RFWD3: variants seen among roughly 807,000 people sequenced by gnomAD.
RFWD3 encodes E3 ubiquitin-protein ligase RFWD3.
Under a neutral mutation model 87.7 loss-of-function variants are expected in RFWD3, and 65 were observed. The ratio of observed to expected loss-of-function variants is 0.74; its 90% CI spans 0.61 to 0.91. The LOEUF is 0.91. RFWD3 is among the 40% of genes least tolerant of loss of function. The pLI, the probability that RFWD3 is intolerant of heterozygous loss-of-function variation, is 0.00. For synonymous variants in RFWD3, 433 were observed against 352.8 expected (o/e 1.23, Z -2.55); for missense variants, 1,078 against 938.5 (o/e 1.15, Z -1.94).
chr16:74,641,289 A>C (rs1555526557), intron 6 of RFWD3, among the ~76,000 whole-genome samples: 1 of 151,944 alleles, frequency 6.6e-6, no homozygotes, highest in Non-Finnish European at 1.5e-5. Context: ...CAGTCTCCCG[A>C]GTAGCTGGGA....
At chr16:74,627,335 C>T (rs1319028351) in intron 11 of RFWD3, among the ~76,000 whole-genome samples, 1 of 152,160 alleles carries the variant, frequency 6.6e-6, no homozygotes, top group Non-Finnish European at 1.5e-5. Flanking sequence ...ACCCTGTCAA[C>T]TTTGGCCTAG....
rs185571565 is a variant in RFWD3 at position 74,630,716 on chromosome 16, G to A, written c.1754+65C>T. ...ACTGTGGAACACCCACTGAAGAGACGATTAACACAATAATAAGCCAAGAGA... is the reference window on the plus strand; with the variant it reads ...ACTGTGGAACACCCACTGAAGAGACAATTAACACAATAATAAGCCAAGAGA... On this transcript the variant is annotated intron_variant, in intron 10 of 12. Coordinates refer to ENST00000361070, the MANE Select transcript of RFWD3 (RefSeq NM_018124.4). 1.1e-5 allele frequency: 15 copies of A among 1,422,148 alleles called. No homozygotes were observed. In the East Asian group the frequency reaches 1.2e-4, roughly 12 times the overall value. 88.1% of individuals were successfully genotyped at this position (1,422,148 alleles called of 1,614,324 possible).
intron 1 of RFWD3, 37 bp from the exon 2 acceptor site, chr16:74,661,488 T>C (rs1961438157): frequency 1.3e-6 from 2 of 1,495,856 alleles, no homozygotes; most frequent in Non-Finnish European, 1.8e-6. Context: ...ATTAATAAAA[T>C]AGATAAAACA....
At chr16:74,635,102 A>T (rs1567570832) in intron 8 of RFWD3, among the ~76,000 whole-genome samples, 1 of 151,974 alleles carries the variant, frequency 6.6e-6, no homozygotes, top group East Asian at 1.9e-4. Flanking sequence ...AACACGGTGA[A>T]ACTCCGTCTC....
At chr16:74,641,646 C>T (rs1054095921) in intron 6 of RFWD3, among the ~76,000 whole-genome samples, 3 of 151,710 alleles carry the variant, frequency 2.0e-5, no homozygotes, top group African/African-American at 4.8e-5. Context: ...ACTTTCTGGC[C>T]GGGTGCAGTG....
chr16:74,630,994 G>C, intron 9 of RFWD3, 37 bp from the exon 10 acceptor site: 4 of 1,545,464 alleles, frequency 2.6e-6, no homozygotes, highest in Admixed American at 1.9e-5. Flanking sequence ...ACTGCATTAA[G>C]AAAATCAAAT....
rs1199443997 is a variant in RFWD3, at chr16:74,644,713, G to A, written c.815C>T (p.Pro272Leu). 3 of 1,613,974 alleles carry A rather than the reference G, an allele frequency of 1.9e-6. No homozygotes were observed. The highest frequency in any genetic ancestry group is 1.7e-6 in the Non-Finnish European group (2 of 1,179,900). ...PKQPSPQKSE[P>L]LLPSASMDEE... ...ATCCATAGAAGCAGAAGGTAGCAGA[G>A]GCTCAGACTTCTGGGGAGATGGCTA... The change falls in exon 5 of 13, where the codon CCT becomes CTT. Residue 272 changes from proline (P) to leucine (L), a missense_variant. By Grantham distance (98) the Pro-to-Leu change is moderately conservative. Transcript: ENST00000361070.
intron 4 of RFWD3, among the ~76,000 whole-genome samples, chr16:74,648,930 A>C (rs971118767): frequency 6.6e-6 from 1 of 152,014 alleles, no homozygotes; most frequent in Non-Finnish European, 1.5e-5. Context: ...AAAAAATAAA[A>C]AATGTAGCCG....
chr16:74,626,225 G>T, intron 12 of RFWD3, 118 bp downstream of exon 12: 1 of 852,670 alleles, frequency 1.2e-6, no homozygotes, highest in Non-Finnish European at 1.9e-6. Flanking sequence ...TGGGATTACA[G>T]AGCAGAACTT....
At chr16:74,630,415 C>G (rs886409109) in intron 10 of RFWD3, among the ~76,000 whole-genome samples, 1 of 152,184 alleles carries the variant, frequency 6.6e-6, no homozygotes, top group African/African-American at 2.4e-5. Context: ...GCTATTAAAG[C>G]AAGTCTACAT....
chr16:74,666,177 A>AT (rs1567591674), intron 1 of RFWD3: 3 of 142,712 alleles, frequency 2.1e-5, no homozygotes, highest in African/African-American at 8.2e-5. Context: ...GATTAGATAG[A>AT]CAGATTAGAT....
At chr16:74,640,043 G>C (rs1431231917) in intron 6 of RFWD3, among the ~76,000 whole-genome samples, 1 of 151,888 alleles carries the variant, frequency 6.6e-6, no homozygotes, top group African/African-American at 2.4e-5. Flanking sequence ...GTATGTATAA[G>C]AAAAAACATA....
intron 9 of RFWD3, 37 bp downstream of exon 9, chr16:74,632,486 A>G: frequency 6.2e-7 from 1 of 1,609,502 alleles, no homozygotes; most frequent in Non-Finnish European, 8.5e-7. Flanking sequence ...TCAACACCAA[A>G]GAGCCCAGTC....
intron 1 of RFWD3, among the ~76,000 whole-genome samples, chr16:74,665,677 T>A (rs1183205232): frequency 6.6e-6 from 1 of 152,134 alleles, no homozygotes; most frequent in East Asian, 1.9e-4. Context: ...GGAGGATCCC[T>A]GGGGCCCGGG....
At chr16:74,657,607 C>G (rs181346886) in intron 2 of RFWD3, among the ~76,000 whole-genome samples, 1 of 151,992 alleles carries the variant, frequency 6.6e-6, no homozygotes, top group African/African-American at 2.4e-5. Flanking sequence ...TCCTGAGCAG[C>G]TGGGATTATG....
chr16:74,645,645 G>A (rs918634882), intron 4 of RFWD3, among the ~76,000 whole-genome samples: 6 of 151,582 alleles, frequency 4.0e-5, no homozygotes, highest in Non-Finnish European at 7.4e-5. Context: ...GAGCCACTGC[G>A]CCCAGCCTGG....
In RFWD3 at chr16:74,623,844, T is replaced by C; in HGVS notation, c.*84A>G. On this transcript the variant is annotated 3_prime_UTR_variant, in exon 13 of 13. Transcript: ENST00000361070. ...TCCCAATGTTCTAGACTGCAGACAA[T>C]AAACAGGGATCTTGCTTGGGGCTGC... The C allele has an allele frequency of 1.4e-6, 2 of 1,441,970 alleles. No homozygotes were observed. Among genetic ancestry groups the C allele is most frequent in the East Asian group, 2.3e-5 (1 of 43,908 alleles). 89.3% of individuals were successfully genotyped at this position (1,441,970 alleles called of 1,614,324 possible).
chr16:74,623,851 G>A lies in RFWD3; in HGVS notation c.*77C>T. On this transcript the variant is annotated 3_prime_UTR_variant, in exon 13 of 13. Transcript: ENST00000361070. ...GTTCTAGACTGCAGACAATAAACAG[G>A]GATCTTGCTTGGGGCTGCTAGGCGC... The A allele has an allele frequency of 6.8e-7, 1 of 1,475,398 alleles. No homozygotes were observed. Among genetic ancestry groups the A allele is most frequent in the South Asian group, 1.2e-5 (1 of 82,238 alleles). The allele number at this position is 1,475,398 out of a possible 1,614,324, so 91.4% of individuals were successfully genotyped here.
intron 6 of RFWD3, among the ~76,000 whole-genome samples, chr16:74,643,794 G>C (rs1361745618): frequency 2.0e-5 from 3 of 150,024 alleles, no homozygotes; most frequent in Non-Finnish European, 4.4e-5. Flanking sequence ...TCCTGTCTCA[G>C]CCTCCTCAGT....
Sources: gnomAD v4.1 joint callset for allele counts (sites outside exome capture counted in the v4.1 genomes callset) on GRCh38, gnomAD v4.1.1 for gene constraint, MANE v1.5 for transcripts, NCBI Gene and HGNC (gene_info 2026-07-23, HGNC 2026-07-21) for gene names.